NOL10: variants seen among roughly 807,000 people sequenced by gnomAD.
NOL10 encodes H_NH0074G24.1.
In NOL10, 58 loss-of-function variants were observed where a neutral mutation model predicts 103.5. That is an observed-to-expected ratio of 0.56 (90% CI 0.45 to 0.70). The LOEUF is 0.70. Among genes scored for constraint, NOL10 ranks in the 30% least tolerant of loss-of-function variants. The pLI, the probability that NOL10 is intolerant of heterozygous loss-of-function variation, is 0.00. For synonymous variants in NOL10, 287 were observed against 282.5 expected, an observed-to-expected ratio of 1.02 and a Z score of -0.16; for missense variants, 763 against 807.3, an observed-to-expected ratio of 0.95 and a Z score of 0.67.
intron 6 of NOL10, among the ~76,000 whole-genome samples, chr2:10,671,298 T>G (rs1680916846): frequency 6.6e-6 from 1 of 152,176 alleles, no homozygotes; most frequent in Non-Finnish European, 1.5e-5. Flanking sequence ...ATTTTTAACA[T>G]TAGAAAATAT....
intron 13 of NOL10, among the ~76,000 whole-genome samples, chr2:10,617,363 C>T (rs62127187): frequency 2.6e-5 from 4 of 152,162 alleles, no homozygotes; most frequent in Non-Finnish European, 5.9e-5. Flanking sequence ...TGACTGGTTC[C>T]GGGCATTGAA....
chr2:10,648,652 A>G (rs947552651), intron 12 of NOL10, among the ~76,000 whole-genome samples: 9 of 152,188 alleles, frequency 5.9e-5, no homozygotes, highest in African/African-American at 2.2e-4. Context: ...TGGAGACCTC[A>G]GCAGCCTGCA....
rs1677948899 is a variant in NOL10 at position 10,633,107 on chromosome 2, T to A, written c.1026+11213A>T. Among the ~76,000 whole-genome samples, 6 of 152,334 alleles carry A rather than the reference T, an allele frequency of 3.9e-5. No individual in the cohort carries two copies. In the South Asian group the frequency reaches 1.2e-3, roughly 32 times the overall value. ...ACTCACCTGACAGAACCAGGAAAAC[T>A]TCCTCATCAGAGTGTAACATACTTG... On this transcript the variant is annotated intron_variant, in intron 13 of 20. Transcript: ENST00000381685.
At chr2:10,573,125 A>AG (rs1674268218) in intron 20 of NOL10, among the ~76,000 whole-genome samples, 1 of 151,754 alleles carries the variant, frequency 6.6e-6, no homozygotes, top group African/African-American at 2.4e-5. Flanking sequence ...AAGCACTGTC[A>AG]GGGGCCTCAG....
chr2:10,595,555 C>A (rs558990722), intron 17 of NOL10, among the ~76,000 whole-genome samples: 1 of 151,972 alleles, frequency 6.6e-6, no homozygotes, highest in South Asian at 2.1e-4. Context: ...GCCTTGGCCT[C>A]CCAAAATGAT....
In NOL10 at chr2:10,603,314, C is replaced by T. The variant is rs574537612; in HGVS notation, c.1154-157G>A. ...AATCTTCTTTGATATCTATAGAGAACATTTAATCTACTTCAGCAATATCAT... is the reference window on the plus strand; with the variant it reads ...AATCTTCTTTGATATCTATAGAGAATATTTAATCTACTTCAGCAATATCAT... On this transcript the variant is annotated intron_variant, in intron 14 of 20. Coordinates refer to ENST00000381685, the MANE Select transcript of NOL10 (RefSeq NM_024894.4). Among the ~76,000 whole-genome samples the T allele has an allele frequency of 2.6e-5, 4 of 152,282 alleles. No individual in the cohort carries two copies. In the South Asian group the frequency reaches 6.2e-4, roughly 24 times the overall value.
At chr2:10,645,944 T>TACACACACACACACACAC (rs57494359) in intron 12 of NOL10, among the ~76,000 whole-genome samples, 2 of 147,592 alleles carry the variant, frequency 1.4e-5, no homozygotes, top group African/African-American at 5.0e-5. Flanking sequence ...CACACACACA[T>TACACACACACACACACAC]ACACACACAC....
At chr2:10,587,721 A>C (rs1470615672) in intron 19 of NOL10, among the ~76,000 whole-genome samples, 1 of 152,186 alleles carries the variant, frequency 6.6e-6, no homozygotes, top group African/African-American at 2.4e-5. Context: ...TCTAAATTCA[A>C]GGATTCACTA....
In NOL10 at chr2:10,651,826, C is replaced by T. The variant is rs538337081; in HGVS notation, c.973+2655G>A. Among the ~76,000 whole-genome samples the T allele has an allele frequency of 9.8e-5, 15 of 152,332 alleles. No homozygotes were observed. In the South Asian group the frequency reaches 3.1e-3, roughly 32 times the overall value. ...TCCTCAGCTGCAATCTATTCCTGAA[C>T]TCACCAGAATTTCACTTTACTCCCA... On this transcript the variant is annotated intron_variant, in intron 12 of 20. Coordinates refer to ENST00000381685, the MANE Select transcript of NOL10 (RefSeq NM_024894.4).
intron 3 of NOL10, among the ~76,000 whole-genome samples, chr2:10,680,072 C>A (rs7603803): frequency 2.0e-5 from 3 of 151,818 alleles, no homozygotes; most frequent in African/African-American, 7.2e-5. Context: ...GCAAGGAGTT[C>A]GAGACCAGCC....
At chr2:10,600,964 G>A (rs1558281373) in intron 16 of NOL10, 22 bp from the exon 17 acceptor site, 10 of 1,384,576 alleles carry the variant, frequency 7.2e-6, no homozygotes, top group Non-Finnish European at 1.0e-5. Context: ...ATAAAAGCTG[G>A]TATTTTATTT....
chr2:10,633,267 A>G (rs1475731087), intron 13 of NOL10, among the ~76,000 whole-genome samples: 2 of 151,834 alleles, frequency 1.3e-5, no homozygotes, highest in Non-Finnish European at 2.9e-5. Context: ...AGTTCTCACC[A>G]TGTTGCCCAA....
In NOL10 at chr2:10,681,202, A is replaced by G. The variant is rs143477683; in HGVS notation, c.211+769T>C. On this transcript the variant is annotated intron_variant, in intron 3 of 20. Coordinates refer to ENST00000381685, the MANE Select transcript of NOL10 (RefSeq NM_024894.4). ...TTAGTAACAGCCAAAAACCTGAATGAAAACAGCCTAGCTGTTCATCACATG... is the reference window on the plus strand; with the variant it reads ...TTAGTAACAGCCAAAAACCTGAATGGAAACAGCCTAGCTGTTCATCACATG... Among the ~76,000 whole-genome samples, 133 of 152,312 alleles carry G rather than the reference A, an allele frequency of 8.7e-4. 1 individual carries two copies. In the East Asian group the frequency reaches 0.021, roughly 24 times the overall value.
Position 10,668,684 on chromosome 2 carries a change from G to T in NOL10, c.504C>A (p.Tyr168Ter). ...CAGCATCAGTTTGTAGAGGATTCAG[G>T]TATCGTCCTTGTTCTAAGTTTAACC... ...VYRLNLEQGRYLNPLQTDAAE... is the reference protein window; with the variant it reads ...VYRLNLEQGR Residue 168 changes from tyrosine (Y) to a stop codon, truncating the protein, a stop_gained, in exon 7 of 21, where the codon TAC becomes TAA. Transcript: ENST00000381685. LOFTEE classifies it high-confidence loss of function. The T allele has an allele frequency of 6.5e-7, 1 of 1,546,092 alleles. No homozygotes were observed. The highest frequency in any genetic ancestry group is 8.8e-7 in the Non-Finnish European group (1 of 1,135,300).
intron 6 of NOL10, among the ~76,000 whole-genome samples, chr2:10,671,049 C>A (rs1019104076): frequency 6.6e-6 from 1 of 152,008 alleles, no homozygotes; most frequent in Non-Finnish European, 1.5e-5. Flanking sequence ...ACAATAAAAC[C>A]CTCTCCCAAT....
In NOL10 at chr2:10,675,804, TA is replaced by T; in HGVS notation, c.278del (p.Leu93Ter). On this transcript the variant is annotated frameshift_variant, in exon 4 of 21. Coordinates refer to ENST00000381685, the MANE Select transcript of NOL10 (RefSeq NM_024894.4). LOFTEE classifies it high-confidence loss of function. ...TAGCTTTTTACTCACCTTCTGAATCTAAACACCTTTCAAACTTCAAGGATAA... is the reference window on the plus strand; with the variant it reads ...TAGCTTTTTACTCACCTTCTGAATCTAACACCTTTCAAACTTCAAGGATAA... ...YQLSLKFERC[L>X]DSEVVTFEIL... The T allele has an allele frequency of 6.4e-7, 1 of 1,566,450 alleles. No individual in the cohort carries two copies. Among genetic ancestry groups the T allele is most frequent in the Non-Finnish European group, 8.7e-7 (1 of 1,150,800 alleles).
chr2:10,668,790 T>G (rs891611755), intron 6 of NOL10, 67 bp from the exon 7 acceptor site: 1 of 632,822 alleles, frequency 1.6e-6, no homozygotes, highest in South Asian at 2.9e-5. Flanking sequence ...AATATAAATT[T>G]TATAAATATA....
Position 10,600,862 on chromosome 2 carries a change from CT to C in NOL10, c.1412del (p.Lys471ArgfsTer26). On this transcript the variant is annotated frameshift_variant, in exon 17 of 21. Transcript: ENST00000381685. LOFTEE classifies it high-confidence loss of function. ...TACTTTTTCACCTTACCTTAACTTT[CT>C]TTTTCCATGTAGATTTCTGCTTCTC... The part of the protein sequence containing the change: ...EEEKQKSTWK[K>X]KVKSLPNILT... 6.4e-7 allele frequency: 1 copy of C among 1,550,574 alleles called. No homozygotes were observed. Among genetic ancestry groups the C allele is most frequent in the East Asian group, 2.4e-5 (1 of 41,570 alleles).
At position 10,624,145 on chromosome 2, in the gene NOL10, T is replaced by C. The variant is rs1249504664; in HGVS notation, c.1027-16834A>G. Among the ~76,000 whole-genome samples the C allele has an allele frequency of 2.0e-5, 3 of 152,190 alleles. No homozygotes were observed. The East Asian group carries it at 5.8e-4, about 29-fold the overall frequency. On this transcript the variant is annotated intron_variant, in intron 13 of 20. Transcript: ENST00000381685. Reference sequence around the variant, plus strand: ...TTTCCTGACAAAAGAGATGGGAAGGTAATTTCTTTCTCCAGAAGTAGATTT... The same window carrying C: ...TTTCCTGACAAAAGAGATGGGAAGGCAATTTCTTTCTCCAGAAGTAGATTT...
Sources: allele counts gnomAD v4.1 joint callset (sites outside exome capture counted in the v4.1 genomes callset), GRCh38; gene constraint gnomAD v4.1.1; transcripts MANE v1.5; gene names NCBI Gene and HGNC (gene_info 2026-07-23, HGNC 2026-07-21).